The following PRKCE variants were observed in gnomAD, a reference collection of about 807,000 sequenced individuals.
PRKCE encodes protein kinase C epsilon.
A neutral mutation model predicts 85.4 loss-of-function variants in PRKCE; 16 were observed. That is an observed-to-expected ratio of 0.19 (90% CI 0.13 to 0.28). The LOEUF is 0.28. Among genes scored for constraint, PRKCE ranks in the 10% least tolerant of loss-of-function variants. PRKCE has a pLI of 1.00. For missense variants in PRKCE, 573 were observed against 975.2 expected (o/e 0.59, Z 5.49); for synonymous variants, 388 against 371.5 (o/e 1.04, Z -0.51).
intron 2 of PRKCE, among the ~76,000 whole-genome samples, chr2:45,961,046 C>A (rs1377502859): frequency 6.6e-6 from 1 of 152,200 alleles, no homozygotes; most frequent in Non-Finnish European, 1.5e-5. Context: ...AATACCAGGA[C>A]TTTAGCGTCT....
chr2:45,731,467 A>G (rs1681566370), intron 1 of PRKCE, among the ~76,000 whole-genome samples: 1 of 152,172 alleles, frequency 6.6e-6, no homozygotes, highest in Admixed American at 6.5e-5. Flanking sequence ...TCTCTTCAGG[A>G]AACTGGGAGA....
chr2:46,024,826 A>C (rs1021908627), intron 10 of PRKCE, among the ~76,000 whole-genome samples: 3 of 152,026 alleles, frequency 2.0e-5, no homozygotes, highest in African/African-American at 7.3e-5. Flanking sequence ...CTCCTTTATC[A>C]AGCCCCAGTT....
At chr2:45,831,932 G>A (rs941027478) in intron 1 of PRKCE, among the ~76,000 whole-genome samples, 8 of 151,870 alleles carry the variant, frequency 5.3e-5, no homozygotes, top group African/African-American at 1.7e-4. Flanking sequence ...AATTTGATAA[G>A]CAAAAGAAAA....
chr2:45,888,015 A>G (rs1215299855), intron 2 of PRKCE, among the ~76,000 whole-genome samples: 2 of 152,204 alleles, frequency 1.3e-5, no homozygotes, highest in Non-Finnish European at 1.5e-5. Context: ...ATCCACTGTT[A>G]TCTCCCATGA....
intron 11 of PRKCE, among the ~76,000 whole-genome samples, chr2:46,140,776 GTA>G (rs1316017326): frequency 6.6e-6 from 1 of 152,096 alleles, no homozygotes; most frequent in East Asian, 1.9e-4. Context: ...TTATCTTCCT[GTA>G]TGCCCTTTCA....
At chr2:45,784,271 G>C (rs1686419719) in intron 1 of PRKCE, among the ~76,000 whole-genome samples, 1 of 152,274 alleles carries the variant, frequency 6.6e-6, no homozygotes, top group Admixed American at 6.5e-5. Context: ...AGTGAGAAAG[G>C]TGGTCTTTGC....
chr2:45,663,795 G>GA (rs1675788969), intron 1 of PRKCE, among the ~76,000 whole-genome samples: 1 of 150,860 alleles, frequency 6.6e-6, no homozygotes, highest in Non-Finnish European at 1.5e-5. Flanking sequence ...AAAAAAAAAA[G>GA]AAAATGTTGG....
intron 2 of PRKCE, among the ~76,000 whole-genome samples, chr2:45,973,164 C>A (rs1454106497): frequency 5.3e-5 from 8 of 152,132 alleles, no homozygotes; most frequent in Non-Finnish European, 1.2e-4. Flanking sequence ...TGAAGGGATC[C>A]GTTTCTGGTG....
chr2:45,788,592 C>G (rs536997439), intron 1 of PRKCE, among the ~76,000 whole-genome samples: 1 of 152,312 alleles, frequency 6.6e-6, no homozygotes, highest in Non-Finnish European at 1.5e-5. Context: ...TTACTTGATT[C>G]TGATCAGCTG....
intron 2 of PRKCE, among the ~76,000 whole-genome samples, chr2:45,847,835 C>T (rs1691922375): frequency 6.6e-6 from 1 of 152,224 alleles, no homozygotes; most frequent in Non-Finnish European, 1.5e-5. Context: ...TGACCAGAGT[C>T]TCCTTCATAA....
At chr2:46,042,343 A>T (rs987319504) in intron 10 of PRKCE, among the ~76,000 whole-genome samples, 1 of 152,222 alleles carries the variant, frequency 6.6e-6, no homozygotes, top group African/African-American at 2.4e-5. Flanking sequence ...TGAACAGGTG[A>T]GGAAAGTAGT....
intron 2 of PRKCE, among the ~76,000 whole-genome samples, chr2:45,898,984 A>T (rs1696364214): frequency 6.6e-6 from 1 of 152,218 alleles, no homozygotes; most frequent in South Asian, 2.1e-4. Context: ...CACCCAACTC[A>T]TTGTTTCAGG....
At chr2:46,148,011 C>G (rs1050705539) in intron 12 of PRKCE, among the ~76,000 whole-genome samples, 1 of 152,222 alleles carries the variant, frequency 6.6e-6, no homozygotes, top group Non-Finnish European at 1.5e-5. Flanking sequence ...AAGCAGAAGC[C>G]TCCATTCAAA....
intron 10 of PRKCE, among the ~76,000 whole-genome samples, chr2:46,076,838 A>G (rs1668598740): frequency 6.6e-6 from 1 of 152,218 alleles, no homozygotes; most frequent in African/African-American, 2.4e-5. Flanking sequence ...GAAATTTGGA[A>G]CAATGTGAAT....
intron 10 of PRKCE, among the ~76,000 whole-genome samples, chr2:46,079,731 GA>G (rs1437573707): frequency 6.6e-6 from 1 of 152,234 alleles, no homozygotes. Context: ...TGTGTCCAAA[GA>G]AACCTAACTG....
In PRKCE at chr2:45,838,120, T is replaced by C. The variant is rs115084254; in HGVS notation, c.349-4880T>C. Among the ~76,000 whole-genome samples the C allele has an allele frequency of 2.6e-3, 401 of 152,032 alleles. 3 individuals carry two copies. Among genetic ancestry groups the C allele is most frequent in the African/African-American group, 9.0e-3 (375 of 41,462 alleles). On this transcript the variant is annotated intron_variant, in intron 1 of 14. Coordinates refer to ENST00000306156, the MANE Select transcript of PRKCE (RefSeq NM_005400.3). ...GACCTCCCCTCAGAGCACCATGGGG[T>C]GGTCAAGGTGTCTGAGGTATTGCTG... is the stretch of plus-strand genomic sequence containing the variant.
intron 9 of PRKCE, 23 bp downstream of exon 9, chr2:46,007,684 A>G: frequency 6.3e-7 from 1 of 1,596,764 alleles, no homozygotes; most frequent in Admixed American, 1.7e-5. Context: ...CACGGGTGGA[A>G]CTGCTGGTTT....
At chr2:46,054,252 C>G (rs73926175) in intron 10 of PRKCE, among the ~76,000 whole-genome samples, 4,081 of 152,302 alleles carry the variant, frequency 0.027, 78 homozygotes, top group African/African-American at 0.053. Context: ...TTGTCACTTG[C>G]AGCTAGTGAG....
chr2:45,670,089 C>A (rs150730635), intron 1 of PRKCE, among the ~76,000 whole-genome samples: 2 of 152,134 alleles, frequency 1.3e-5, no homozygotes, highest in South Asian at 4.1e-4. Context: ...AGATGTGTGA[C>A]GCACTAATAT....
Sources: allele counts gnomAD v4.1 joint callset (sites outside exome capture counted in the v4.1 genomes callset), GRCh38; gene constraint gnomAD v4.1.1; transcripts MANE v1.5; gene names NCBI Gene and HGNC (gene_info 2026-07-23, HGNC 2026-07-21).